The following ADAMTSL1 variants were observed in gnomAD, a reference collection of about 807,000 sequenced individuals.
ADAMTSL1 encodes the protein ADAMTS like 1.
A neutral mutation model predicts 201.8 loss-of-function variants in ADAMTSL1; 126 were observed. The ratio of observed to expected loss-of-function variants is 0.62; its 90% CI spans 0.54 to 0.72. The LOEUF (loss-of-function observed/expected upper bound fraction) is 0.72, where lower values mean the gene tolerates loss of function less well. ADAMTSL1 is among the 30% of genes least tolerant of loss of function. ADAMTSL1 has a pLI of 0.00. For synonymous variants in ADAMTSL1, 1,121 were observed against 903.4 expected, an observed-to-expected ratio of 1.24 and a Z score of -4.32; for missense variants, 2,679 against 2,277.8, an observed-to-expected ratio of 1.18 and a Z score of -3.59.
intron 1 of ADAMTSL1, among the ~76,000 whole-genome samples, chr9:18,033,100 TA>T (rs1821044717): frequency 6.6e-6 from 1 of 152,224 alleles, no homozygotes; most frequent in Non-Finnish European, 1.5e-5. Context: ...AAAAATAATA[TA>T]ATAACTTCCT....
At chr9:18,158,144 G>T (rs975692034) in intron 1 of ADAMTSL1, among the ~76,000 whole-genome samples, 3 of 151,888 alleles carry the variant, frequency 2.0e-5, no homozygotes, top group African/African-American at 7.2e-5. Context: ...CAGAGGTTTG[G>T]GTGTGTTTGA....
intron 4 of ADAMTSL1, among the ~76,000 whole-genome samples, chr9:18,591,769 AG>A (rs1391445354): frequency 6.6e-6 from 1 of 152,186 alleles, no homozygotes; most frequent in Non-Finnish European, 1.5e-5. Context: ...ATGAGAAATA[AG>A]TTTGTTTATT....
intron 7 of ADAMTSL1, among the ~76,000 whole-genome samples, chr9:18,657,298 C>G (rs575512498): frequency 6.6e-6 from 1 of 152,174 alleles, no homozygotes; most frequent in South Asian, 2.1e-4. Flanking sequence ...ATTTTAAAAT[C>G]CACATAATTT....
intron 1 of ADAMTSL1, among the ~76,000 whole-genome samples, chr9:17,922,858 G>A (rs1282849730): frequency 1.3e-5 from 2 of 152,146 alleles, no homozygotes; most frequent in South Asian, 2.1e-4. Context: ...GTTTTCAGAT[G>A]TTTAGGAATA....
At chr9:18,280,529 A>G (rs1469846690) in intron 2 of ADAMTSL1, among the ~76,000 whole-genome samples, 4 of 152,152 alleles carry the variant, frequency 2.6e-5, no homozygotes, top group African/African-American at 9.7e-5. Context: ...CTTTGTGAAC[A>G]TGGTGTGCCT....
At chr9:18,565,049 A>G (rs1821788537) in intron 3 of ADAMTSL1, among the ~76,000 whole-genome samples, 1 of 152,164 alleles carries the variant, frequency 6.6e-6, no homozygotes, top group Non-Finnish European at 1.5e-5. Context: ...ACTTAGATCA[A>G]CTCTCAGATG....
intron 1 of ADAMTSL1, among the ~76,000 whole-genome samples, chr9:17,949,572 G>C (rs1030237465): frequency 5.9e-5 from 9 of 152,098 alleles, no homozygotes; most frequent in Non-Finnish European, 1.3e-4. Flanking sequence ...ATTTTGTTCA[G>C]AATCCTGCAT....
chr9:18,592,071 G>A (rs896430765), intron 4 of ADAMTSL1, among the ~76,000 whole-genome samples: 2 of 152,178 alleles, frequency 1.3e-5, no homozygotes, highest in Admixed American at 1.3e-4. Context: ...AGTTTTCAGT[G>A]CATCTCATTG....
chr9:18,798,612 A>C (rs115243086), intron 20 of ADAMTSL1, among the ~76,000 whole-genome samples: 2,235 of 152,300 alleles, frequency 0.015, 52 homozygotes, highest in African/African-American at 0.051. Context: ...TCAGTGTCAA[A>C]TAGGGAAGCT....
chr9:18,797,852 C>T (rs1822529503), intron 20 of ADAMTSL1, among the ~76,000 whole-genome samples: 1 of 152,204 alleles, frequency 6.6e-6, no homozygotes, highest in African/African-American at 2.4e-5. Flanking sequence ...TCCTTTCTTT[C>T]TCTAGCTCTT....
At chr9:18,711,469 CAAAG>C (rs1158932173) in intron 14 of ADAMTSL1, among the ~76,000 whole-genome samples, 2 of 152,238 alleles carry the variant, frequency 1.3e-5, no homozygotes, top group African/African-American at 2.4e-5. Flanking sequence ...CTTTCCTAGT[CAAAG>C]AAAGGGGTGA....
In ADAMTSL1 at chr9:18,337,950, C is replaced by T. The variant is rs144321990; in HGVS notation, c.208-166879C>T. Among the ~76,000 whole-genome samples, 158 of 152,072 alleles carry T rather than the reference C, an allele frequency of 1.0e-3. 1 individual carries two copies. Among genetic ancestry groups the T allele is most frequent in the African/African-American group, 2.9e-3 (120 of 41,488 alleles). On this transcript the variant is annotated intron_variant, in intron 2 of 29. Transcript: ENST00000680146. Reference sequence around the variant, plus strand: ...GGCTAGGTTCTGCAGCTGTGATTGGCGTGGGGGTGGTCAAGCCCGGCTTGG... The same window carrying T: ...GGCTAGGTTCTGCAGCTGTGATTGGTGTGGGGGTGGTCAAGCCCGGCTTGG...
At chr9:18,154,168 G>A (rs1464240222) in intron 1 of ADAMTSL1, among the ~76,000 whole-genome samples, 2 of 152,000 alleles carry the variant, frequency 1.3e-5, no homozygotes, top group African/African-American at 2.4e-5. Context: ...GGGTTATGAA[G>A]ATGAATTTTT....
chr9:18,463,463 C>A (rs924591900), intron 2 of ADAMTSL1, among the ~76,000 whole-genome samples: 2 of 152,042 alleles, frequency 1.3e-5, no homozygotes, highest in African/African-American at 4.8e-5. Flanking sequence ...CATTATTGTG[C>A]AGCCATCATC....
intron 1 of ADAMTSL1, among the ~76,000 whole-genome samples, chr9:18,133,726 G>C (rs762325446): frequency 6.6e-5 from 10 of 152,060 alleles, no homozygotes; most frequent in Non-Finnish European, 1.5e-5. Context: ...CCTGTTCATG[G>C]ATCAGAATCC....
At chr9:18,613,773 T>C (rs1435322826) in intron 4 of ADAMTSL1, among the ~76,000 whole-genome samples, 4 of 152,126 alleles carry the variant, frequency 2.6e-5, no homozygotes, top group Admixed American at 6.6e-5. Flanking sequence ...AAAAAAACTA[T>C]TGGGTACTAG....
intron 2 of ADAMTSL1, among the ~76,000 whole-genome samples, chr9:18,213,957 G>T (rs1002215336): frequency 6.6e-6 from 1 of 152,144 alleles, no homozygotes; most frequent in Admixed American, 6.5e-5. Flanking sequence ...GGCTGGTCTC[G>T]AACTCCTGAC....
At chr9:18,727,908 C>T (rs572154353) in intron 15 of ADAMTSL1, among the ~76,000 whole-genome samples, 46 of 152,014 alleles carry the variant, frequency 3.0e-4, no homozygotes, top group Non-Finnish European at 4.1e-4. Flanking sequence ...GGCAAAAACC[C>T]GTCTCTACTA....
In ADAMTSL1 at chr9:18,574,046, C is replaced by T; in HGVS notation, c.254C>T (p.Ala85Val). The stretch of plus-strand genomic sequence containing the variant: ...TTTCTCCAGGACTGCCCACCAGAAG[C>T]AGGTGATTTCCGAGCTCAGCAATGC... ...TCSNVDCPPE[A>V]GDFRAQQCSA... Residue 85 changes from alanine to valine, a missense_variant, in exon 4 of 29, where the codon GCA becomes GTA. Physicochemically the swap from Ala to Val is moderately conservative, Grantham distance 64. Coordinates refer to ENST00000380548, the MANE Select transcript of ADAMTSL1 (RefSeq NM_001040272.6). 3 of 1,613,538 alleles carry T rather than the reference C, an allele frequency of 1.9e-6. No individual in the cohort carries two copies. Among genetic ancestry groups the T allele is most frequent in the Non-Finnish European group, 2.5e-6 (3 of 1,179,614 alleles).
Sources: allele counts gnomAD v4.1 joint callset (sites outside exome capture counted in the v4.1 genomes callset), GRCh38; gene constraint gnomAD v4.1.1; transcripts MANE v1.5; gene names NCBI Gene and HGNC (gene_info 2026-07-23, HGNC 2026-07-21).